CACNA1C: variants seen among roughly 807,000 people sequenced by gnomAD.
CACNA1C encodes voltage-dependent L-type calcium channel subunit alpha-1C.
In CACNA1C, 30 loss-of-function variants were observed where a neutral mutation model predicts 229.0. The ratio of observed to expected loss-of-function variants is 0.13; its 90% CI spans 0.10 to 0.18. The LOEUF (loss-of-function observed/expected upper bound fraction) is 0.18, where lower values mean the gene tolerates loss of function less well. Ranked by LOEUF, CACNA1C falls within the 10% of genes least tolerant of loss-of-function variation. The probability of loss-of-function intolerance (pLI) is 1.00; values close to 1 mark genes in which losing one functional copy is unlikely to be tolerated. For missense variants in CACNA1C, 1,658 were observed against 2,845.0 expected, an observed-to-expected ratio of 0.58 and a Z score of 9.49; for synonymous variants, 1,114 against 1,132.5, an observed-to-expected ratio of 0.98 and a Z score of 0.33.
At chr12:2,323,350 T>A (rs953236610) in intron 3 of CACNA1C, among the ~76,000 whole-genome samples, 17 of 151,998 alleles carry the variant, frequency 1.1e-4, no homozygotes, top group Non-Finnish European at 7.4e-5. Context: ...CCTGGAGAGG[T>A]CTCTCTAGCC....
chr12:2,547,481 G>T (rs772833355), intron 9 of CACNA1C: 1 of 779,652 alleles, frequency 1.3e-6, no homozygotes, highest in African/African-American at 1.7e-5. Context: ...TTGATCAGAA[G>T]AAAGGGAAGT....
chr12:2,386,613 A>G (rs2098395815), intron 3 of CACNA1C, among the ~76,000 whole-genome samples: 2 of 151,910 alleles, frequency 1.3e-5, no homozygotes, highest in Admixed American at 1.3e-4. Context: ...AGCTCTTCCT[A>G]TACCTCCTCC....
chr12:2,004,659 C>G (rs529617643), intron 1 of CACNA1C: 273 of 575,066 alleles, frequency 4.7e-4, no homozygotes, highest in African/African-American at 4.7e-3. Context: ...ACGACAAGCC[C>G]AGGCCTGCCC....
chr12:2,486,260 C>G lies in CACNA1C; in HGVS notation c.914C>G (p.Ala305Gly), dbSNP rs948804634. 3 of 1,612,564 alleles carry G rather than the reference C, an allele frequency of 1.9e-6. No individual in the cohort carries two copies. The highest frequency in any genetic ancestry group is 2.5e-6 in the Non-Finnish European group (3 of 1,179,114). Residue 305 changes from alanine to glycine, a missense_variant and splice_region_variant, in exon 6 of 47, where the codon GCA becomes GGA. By Grantham distance (60) the Ala-to-Gly change is moderately conservative. Around this residue, in one of 20 missense-constraint regions of CACNA1C, gnomAD observed 84 missense variants for 202.6 expected, o/e 0.41. Transcript: ENST00000399655. This position sits in a 1 kb window ranked among gnomAD's most constrained non-coding sequence, Gnocchi z 4.9. ...ACCTGCTACAACCAGGAGGGCATAG[C>G]AGGTAAGAGGGGCAGGCGGCTGCGC... ...HKTCYNQEGI[A>G]DVPAEDDPSP... is the part of the protein sequence containing the mutation.
At chr12:2,362,931 C>T (rs1167145250) in intron 3 of CACNA1C, among the ~76,000 whole-genome samples, 1 of 152,206 alleles carries the variant, frequency 6.6e-6, no homozygotes, top group Non-Finnish European at 1.5e-5. Flanking sequence ...TGGTTTCTCA[C>T]CCTAAGGAAA....
chr12:2,387,575 T>C (rs566488908), intron 3 of CACNA1C, among the ~76,000 whole-genome samples: 3 of 152,126 alleles, frequency 2.0e-5, no homozygotes, highest in Non-Finnish European at 4.4e-5. Flanking sequence ...TGACTAATAA[T>C]GAACTAAGAG....
intron 1 of CACNA1C, among the ~76,000 whole-genome samples, chr12:2,012,150 T>C (rs934321247): frequency 1.3e-5 from 2 of 152,170 alleles, no homozygotes; most frequent in Non-Finnish European, 2.9e-5. Context: ...GATGAGAGGC[T>C]TTGGAAAAAT....
Position 2,512,509 on chromosome 12 carries a change from AG to A in CACNA1C, c.1218-302del, listed in dbSNP as rs1285766181. Reference sequence around the variant, plus strand: ...TCGGAGAACAGTTATTAAAAAGCAAAGCCTGTGATCATGATCCAGGAAAAGA... The same window carrying A: ...TCGGAGAACAGTTATTAAAAAGCAAACCTGTGATCATGATCCAGGAAAAGA... On this transcript the variant is annotated intron_variant, in intron 8 of 46. Transcript: ENST00000399655. The surrounding 1 kb of genome is among the most constrained non-coding windows in gnomAD (Gnocchi z 4.3). Among the ~76,000 whole-genome samples, 1 of 152,120 alleles carries A rather than the reference AG, an allele frequency of 6.6e-6. No individual in the cohort carries two copies. Among genetic ancestry groups the A allele is most frequent in the Non-Finnish European group, 1.5e-5 (1 of 68,026 alleles).
chr12:2,219,624 G>A (rs1411490821), intron 3 of CACNA1C, among the ~76,000 whole-genome samples: 1 of 152,202 alleles, frequency 6.6e-6, no homozygotes, highest in Non-Finnish European at 1.5e-5. Context: ...AGAGGAAGAA[G>A]CTCCAGCCCG....
rs564297600 is a variant in CACNA1C, at chr12:2,533,032, A to G, written c.1391-16911A>G. On this transcript the variant is annotated intron_variant, in intron 9 of 46. Coordinates refer to ENST00000399655, the MANE Select transcript of CACNA1C (RefSeq NM_000719.7). ...CCCAGCTCTCCTGAGAAATTACAGA[A>G]TAGTTCTAAGATTCGGGCAAAGAGG... Among the ~76,000 whole-genome samples, 15 of 152,344 alleles carry G rather than the reference A, an allele frequency of 9.8e-5. No homozygotes were observed. The East Asian group carries it at 2.9e-3, about 29-fold the overall frequency.
chr12:2,437,953 G>C (rs899709802), intron 3 of CACNA1C, among the ~76,000 whole-genome samples: 1 of 151,054 alleles, frequency 6.6e-6, no homozygotes, highest in Admixed American at 6.6e-5. Context: ...GGTGGTGGTG[G>C]TGATGGTTGG....
chr12:2,104,082 A>T (rs11830457), intron 1 of CACNA1C, among the ~76,000 whole-genome samples: 4,602 of 152,270 alleles, frequency 0.03, 224 homozygotes, highest in African/African-American at 0.1. Context: ...TTCCATATGA[A>T]ATTTAAAGTA....
chr12:2,225,054 T>C (rs1317518644), intron 3 of CACNA1C, among the ~76,000 whole-genome samples: 1 of 152,168 alleles, frequency 6.6e-6, no homozygotes, highest in Non-Finnish European at 1.5e-5. Flanking sequence ...TGAAGGCTTG[T>C]CAAGGCTCCA....
intron 3 of CACNA1C, among the ~76,000 whole-genome samples, chr12:2,246,747 T>G (rs745444646): frequency 6.6e-6 from 1 of 152,102 alleles, no homozygotes; most frequent in Non-Finnish European, 1.5e-5. Flanking sequence ...GCAAGGAAGC[T>G]TTTCTCCTGG....
At chr12:2,448,870 G>T in intron 3 of CACNA1C, 106 bp from the exon 4 acceptor site, 1 of 920,662 alleles carries the variant, frequency 1.1e-6, no homozygotes, top group Non-Finnish European at 1.6e-6. Context: ...CACCACAGAG[G>T]GGGCAGCATT....
chr12:2,120,176 A>T, intron 2 of CACNA1C, 149 bp from the exon 3 acceptor site: 1 of 657,000 alleles, frequency 1.5e-6, no homozygotes, highest in South Asian at 1.7e-5. Flanking sequence ...TTAAAAAGGC[A>T]TATGTTTCTT....
chr12:2,099,277 T>G (rs1297142841), intron 1 of CACNA1C, among the ~76,000 whole-genome samples: 2 of 152,222 alleles, frequency 1.3e-5, no homozygotes, highest in Non-Finnish European at 2.9e-5. Context: ...ACTGTGTTAC[T>G]TTACCCTGAA....
At chr12:2,170,013 G>C (rs909020817) in intron 3 of CACNA1C, among the ~76,000 whole-genome samples, 2 of 152,202 alleles carry the variant, frequency 1.3e-5, no homozygotes, top group African/African-American at 4.8e-5. Flanking sequence ...CCCTGAAACA[G>C]GAGGCTCCCC....
At chr12:2,142,736 A>G (rs1414023732) in intron 3 of CACNA1C, among the ~76,000 whole-genome samples, 1 of 151,310 alleles carries the variant, frequency 6.6e-6, no homozygotes, top group African/African-American at 2.4e-5. Context: ...TAATGTGGAC[A>G]TTTGTGTGTT....
Sources: allele counts gnomAD v4.1 joint callset (sites outside exome capture counted in the v4.1 genomes callset), GRCh38; gene constraint gnomAD v4.1.1; regional missense constraint gnomAD v4.1.1; non-coding constraint Gnocchi (gnomAD v3.1); transcripts MANE v1.5; gene names NCBI Gene and HGNC (gene_info 2026-07-23, HGNC 2026-07-21).